The following OSBP2 variants were observed in gnomAD, a reference collection of about 807,000 sequenced individuals.
OSBP2 encodes the protein oxysterol-binding protein 2.
In OSBP2, 66 loss-of-function variants were observed where a neutral mutation model predicts 96.0. The observed-to-expected ratio is 0.69, with a 90% CI of 0.56 to 0.84. The LOEUF (loss-of-function observed/expected upper bound fraction) is 0.84. Ranked by LOEUF, OSBP2 falls within the 40% of genes least tolerant of loss-of-function variation. OSBP2 has a pLI of 0.00. For missense variants in OSBP2, 1,038 were observed against 1,222.7 expected (o/e 0.85, Z 2.25); for synonymous variants, 525 against 520.9 (o/e 1.01, Z -0.11).
At chr22:30,710,988 G>A (rs1282820702) in intron 1 of OSBP2, among the ~76,000 whole-genome samples, 6 of 152,094 alleles carry the variant, frequency 3.9e-5, no homozygotes, top group East Asian at 1.9e-4. Flanking sequence ...CAGGCGATCC[G>A]CCTGCCTCGG....
chr22:30,752,989 CA>C (rs1157838258), intron 2 of OSBP2, among the ~76,000 whole-genome samples: 1 of 152,204 alleles, frequency 6.6e-6, no homozygotes, highest in Non-Finnish European at 1.5e-5. Flanking sequence ...GTCCAACCCC[CA>C]CTTCCCATCA....
intron 2 of OSBP2, among the ~76,000 whole-genome samples, chr22:30,869,071 G>A (rs2039406375): frequency 1.3e-5 from 2 of 152,168 alleles, no homozygotes; most frequent in Admixed American, 1.3e-4. Flanking sequence ...ACAGCAGCCT[G>A]GCCCTAGGCC....
chr22:30,839,007 C>T (rs1416168610), intron 2 of OSBP2, among the ~76,000 whole-genome samples: 1 of 118,344 alleles, frequency 8.4e-6, no homozygotes, highest in Non-Finnish European at 1.7e-5. Context: ...CCTCCCCCCA[C>T]CCCACAACAG....
At chr22:30,730,804 ATATAATTTTTT>A (rs2089761161) in intron 1 of OSBP2, among the ~76,000 whole-genome samples, 3 of 46,292 alleles carry the variant, frequency 6.5e-5, no homozygotes, top group African/African-American at 3.6e-4. Context: ...ATATATATAT[ATATAATTTTTT>A]TTTTTTTTCC....
At chr22:30,847,287 T>C (rs2038889463) in intron 2 of OSBP2, among the ~76,000 whole-genome samples, 1 of 151,726 alleles carries the variant, frequency 6.6e-6, no homozygotes, top group Admixed American at 6.6e-5. Flanking sequence ...GCTCATTCTT[T>C]TTTCTTTTTC....
At chr22:30,761,291 A>G (rs912470250) in intron 2 of OSBP2, among the ~76,000 whole-genome samples, 8 of 152,258 alleles carry the variant, frequency 5.3e-5, no homozygotes, top group Non-Finnish European at 1.5e-5. Context: ...AAGGCCAGTC[A>G]TATTTCTGTG....
chr22:30,846,903 T>G (rs922845819), intron 2 of OSBP2, among the ~76,000 whole-genome samples: 4 of 152,186 alleles, frequency 2.6e-5, no homozygotes, highest in Non-Finnish European at 5.9e-5. Flanking sequence ...TCTGTTGTTT[T>G]CTTTTTTTGT....
intron 3 of OSBP2, among the ~76,000 whole-genome samples, chr22:30,886,846 G>C (rs1035809149): frequency 6.6e-5 from 10 of 152,138 alleles, no homozygotes; most frequent in African/African-American, 2.4e-4. Flanking sequence ...TATAGGAAAG[G>C]GGTCCTGATC....
chr22:30,790,310 G>A (rs1040422), intron 2 of OSBP2, among the ~76,000 whole-genome samples: 12 of 152,108 alleles, frequency 7.9e-5, no homozygotes, highest in East Asian at 1.9e-4. Flanking sequence ...AGGAGGGGGG[G>A]GCGGGGAAAG....
chr22:30,764,872 A>T (rs1482077816), intron 2 of OSBP2, among the ~76,000 whole-genome samples: 1 of 152,100 alleles, frequency 6.6e-6, no homozygotes, highest in African/African-American at 2.4e-5. Context: ...TGAAAATTTG[A>T]CTGGTATGGA....
chr22:30,711,392 T>G (rs965131640), intron 1 of OSBP2, among the ~76,000 whole-genome samples: 9 of 151,948 alleles, frequency 5.9e-5, no homozygotes, highest in South Asian at 2.1e-4. Context: ...AACAATGTGT[T>G]TGTTCTCTTT....
At chr22:30,812,141 A>G (rs1212829284) in intron 2 of OSBP2, among the ~76,000 whole-genome samples, 2 of 152,062 alleles carry the variant, frequency 1.3e-5, no homozygotes. Flanking sequence ...GGCATGAGCC[A>G]CCACACCCAG....
Position 30,854,767 on chromosome 22 carries a change from T to C in OSBP2, c.854-15662T>C, listed in dbSNP as rs2039047041. ...TTGAAGAACTTCCTTTAACATCTCT[T>C]ATGGAGTAAGTGTACTTGTCTGTTC... On this transcript the variant is annotated intron_variant, in intron 2 of 13. Coordinates refer to ENST00000332585, the MANE Select transcript of OSBP2 (RefSeq NM_030758.4). Among the ~76,000 whole-genome samples the C allele has an allele frequency of 3.3e-5, 5 of 152,306 alleles. No individual in the cohort carries two copies. The South Asian group carries it at 1.0e-3, about 32-fold the overall frequency.
chr22:30,706,245 T>C (rs956732198), intron 1 of OSBP2, among the ~76,000 whole-genome samples: 3 of 152,124 alleles, frequency 2.0e-5, no homozygotes, highest in Non-Finnish European at 4.4e-5. Context: ...TTCATAATCA[T>C]ACACACGGAG....
intron 2 of OSBP2, among the ~76,000 whole-genome samples, chr22:30,813,305 C>G: frequency 6.7e-6 from 1 of 150,246 alleles, no homozygotes; most frequent in Non-Finnish European, 1.5e-5. Context: ...TCCTGAGTAG[C>G]TGGAATTACA....
At chr22:30,800,072 C>T (rs142928648) in intron 2 of OSBP2, among the ~76,000 whole-genome samples, 30 of 152,194 alleles carry the variant, frequency 2.0e-4, no homozygotes, top group Middle Eastern at 3.4e-3. Context: ...ATAGGGGCAA[C>T]GGGGAATATG....
At chr22:30,750,597 C>T (rs1275977689) in intron 2 of OSBP2, among the ~76,000 whole-genome samples, 1 of 152,188 alleles carries the variant, frequency 6.6e-6, no homozygotes, top group Admixed American at 6.5e-5. Context: ...AACATCAACA[C>T]AGACCTTAAG....
chr22:30,853,743 C>T (rs1415049747), intron 2 of OSBP2, among the ~76,000 whole-genome samples: 1 of 151,066 alleles, frequency 6.6e-6, no homozygotes, highest in Non-Finnish European at 1.5e-5. Flanking sequence ...TCTACTAGCT[C>T]ATAAGCTATT....
intron 2 of OSBP2, among the ~76,000 whole-genome samples, chr22:30,782,013 G>A (rs2090524754): frequency 6.6e-6 from 1 of 152,162 alleles, no homozygotes; most frequent in African/African-American, 2.4e-5. Flanking sequence ...AGGCGTGGTG[G>A]TGGGCACCTG....
Sources: gnomAD v4.1 joint callset for allele counts (sites outside exome capture counted in the v4.1 genomes callset) on GRCh38, gnomAD v4.1.1 for gene constraint, MANE v1.5 for transcripts, NCBI Gene and HGNC (gene_info 2026-07-23, HGNC 2026-07-21) for gene names.